KAZN: variants seen among roughly 807,000 people sequenced by gnomAD.
KAZN encodes kazrin.
KAZN carries 40 observed loss-of-function variants against 87.4 expected under a neutral mutation model. That is an observed-to-expected ratio of 0.46 (90% confidence interval 0.36 to 0.60). KAZN has a LOEUF of 0.60. Among genes scored for constraint, KAZN ranks in the 20% least tolerant of loss-of-function variants. The pLI is 0.00. For synonymous variants in KAZN, 466 were observed against 458.3 expected (o/e 1.02, Z -0.22); for missense variants, 898 against 1,073.9 (o/e 0.84, Z 2.29).
intron 2 of KAZN, among the ~76,000 whole-genome samples, chr1:14,414,284 C>T (rs984820834): frequency 6.7e-6 from 1 of 149,038 alleles, no homozygotes; most frequent in Non-Finnish European, 1.5e-5. Context: ...AAGACTCCCA[C>T]GAGTTCCCAA....
At chr1:14,578,380 T>G (rs1675322267) in intron 2 of KAZN, among the ~76,000 whole-genome samples, 1 of 151,834 alleles carries the variant, frequency 6.6e-6, no homozygotes, top group Non-Finnish European at 1.5e-5. Context: ...CTGTGACTCA[T>G]TATTGTAAAT....
chr1:14,445,370 A>C (rs1460343854), intron 2 of KAZN, among the ~76,000 whole-genome samples: 1 of 152,312 alleles, frequency 6.6e-6, no homozygotes, highest in East Asian at 1.9e-4. Flanking sequence ...ACAGACACAT[A>C]TGCTCGGGGA....
rs187400234 is a variant in KAZN at position 14,713,939 on chromosome 1, G to A, written c.226+114716G>A. 2.3e-3 allele frequency among the ~76,000 whole-genome samples: 348 copies of A among 152,206 alleles called. 1 individual carries two copies. Among genetic ancestry groups the A allele is most frequent in the Non-Finnish European group, 3.7e-3 (252 of 68,014 alleles). ...CCACTGCACTCCAGCCCGGGCAACA[G>A]AGCGAGATCCTGTCTCAAGAAACAA... On this transcript the variant is annotated intron_variant, in intron 1 of 14. Coordinates refer to ENST00000376030, the MANE Select transcript of KAZN (RefSeq NM_201628.3).
At chr1:13,894,062 G>C (rs944177697) in intron 1 of KAZN, among the ~76,000 whole-genome samples, 1 of 152,162 alleles carries the variant, frequency 6.6e-6, no homozygotes, top group Non-Finnish European at 1.5e-5. Flanking sequence ...AGGAGGGTGC[G>C]TCAGGATGGA....
intron 1 of KAZN, among the ~76,000 whole-genome samples, chr1:13,932,089 C>T (rs1279317460): frequency 6.7e-6 from 1 of 150,290 alleles, no homozygotes; most frequent in East Asian, 1.9e-4. Context: ...AATTCCTGAC[C>T]TCAAGTGATA....
intron 2 of KAZN, among the ~76,000 whole-genome samples, chr1:14,183,480 G>A (rs533831542): frequency 6.6e-5 from 10 of 152,106 alleles, no homozygotes; most frequent in Non-Finnish European, 1.5e-4. Flanking sequence ...ATTCAATGGA[G>A]TCTGCCATTC....
chr1:13,896,045 G>T (rs7542748), intron 1 of KAZN, among the ~76,000 whole-genome samples: 34,019 of 151,534 alleles, frequency 0.22, 4,033 homozygotes, highest in Non-Finnish European at 0.24. Context: ...AGGCTACAGT[G>T]CAGTGGCATG....
chr1:14,894,217 C>T (rs1266493619), intron 1 of KAZN, among the ~76,000 whole-genome samples: 1 of 152,138 alleles, frequency 6.6e-6, no homozygotes, highest in Non-Finnish European at 1.5e-5. Flanking sequence ...CTCCAGCCTA[C>T]AGTTTCTGCC....
chr1:14,422,386 G>A (rs1291515516), intron 2 of KAZN, among the ~76,000 whole-genome samples: 1 of 152,160 alleles, frequency 6.6e-6, no homozygotes, highest in South Asian at 2.1e-4. Flanking sequence ...AATAGCACAG[G>A]CAAACTACGT....
intron 2 of KAZN, among the ~76,000 whole-genome samples, chr1:14,549,924 T>G (rs1194064388): frequency 6.6e-6 from 1 of 152,232 alleles, no homozygotes; most frequent in Non-Finnish European, 1.5e-5. Flanking sequence ...CTTACTTTTT[T>G]GCAAGTTCAG....
chr1:15,014,146 G>C lies in KAZN; in HGVS notation c.419-20603G>C, dbSNP rs564438439. Among the ~76,000 whole-genome samples, 3 of 152,230 alleles carry C rather than the reference G, an allele frequency of 2.0e-5. 1 individual carries two copies. The Middle Eastern group carries it at 0.01, about 518-fold the overall frequency. On this transcript the variant is annotated intron_variant, in intron 2 of 14. Transcript: ENST00000376030. ...TTCTGCCCTTGGTCCTTCTGAATGA[G>C]TCTCGAATCCTTCAGGCCACCTCTA...
chr1:14,300,970 G>A (rs1198630672), intron 2 of KAZN, among the ~76,000 whole-genome samples: 1 of 152,142 alleles, frequency 6.6e-6, no homozygotes, highest in Non-Finnish European at 1.5e-5. Flanking sequence ...CAAGCTTGTG[G>A]CTCTCAGAGT....
chr1:14,322,944 C>T (rs1433376940), intron 2 of KAZN, among the ~76,000 whole-genome samples: 1 of 152,180 alleles, frequency 6.6e-6, no homozygotes, highest in Non-Finnish European at 1.5e-5. Flanking sequence ...AGGAAACTTA[C>T]AATCATGGCA....
chr1:14,722,265 G>A (rs1643155663), intron 1 of KAZN, among the ~76,000 whole-genome samples: 1 of 152,190 alleles, frequency 6.6e-6, no homozygotes, highest in Non-Finnish European at 1.5e-5. Context: ...TTTAGTATGT[G>A]ATGATCCATT....
At chr1:14,274,073 C>T (rs1308173098) in intron 2 of KAZN, among the ~76,000 whole-genome samples, 1 of 152,194 alleles carries the variant, frequency 6.6e-6, no homozygotes, top group Non-Finnish European at 1.5e-5. Context: ...CACACAAAGG[C>T]TGCAGCACCC....
chr1:14,655,015 A>G (rs1441418440), intron 1 of KAZN, among the ~76,000 whole-genome samples: 1 of 152,186 alleles, frequency 6.6e-6, no homozygotes, highest in African/African-American at 2.4e-5. Context: ...TGAGCCCGAG[A>G]ACCTCCTGGA....
intron 2 of KAZN, among the ~76,000 whole-genome samples, chr1:14,270,047 G>C (rs1311980945): frequency 1.3e-5 from 2 of 152,156 alleles, no homozygotes; most frequent in Non-Finnish European, 2.9e-5. Flanking sequence ...CCATTCATGA[G>C]AGATGCACCT....
chr1:14,248,348 A>G (rs1447334666), intron 2 of KAZN, among the ~76,000 whole-genome samples: 1 of 152,238 alleles, frequency 6.6e-6, no homozygotes, highest in Non-Finnish European at 1.5e-5. Flanking sequence ...CACTAAACAT[A>G]TATTTGTTAG....
intron 1 of KAZN, among the ~76,000 whole-genome samples, chr1:14,760,029 G>A (rs992163017): frequency 2.0e-5 from 3 of 152,010 alleles, no homozygotes; most frequent in Non-Finnish European, 4.4e-5. Context: ...TTTGAAAGCA[G>A]CGCTCCCTTG....
Sources: gnomAD v4.1 joint callset for allele counts (sites outside exome capture counted in the v4.1 genomes callset) on GRCh38, gnomAD v4.1.1 for gene constraint, MANE v1.5 for transcripts, NCBI Gene and HGNC (gene_info 2026-07-23, HGNC 2026-07-21) for gene names.